The following GRIK4 variants were observed in gnomAD, a reference collection of about 807,000 sequenced individuals.
The protein encoded by GRIK4 is glutamate receptor ionotropic, kainate 4.
Under a neutral mutation model 104.9 loss-of-function variants are expected in GRIK4, and 40 were observed. The ratio of observed to expected loss-of-function variants is 0.38; its 90% CI spans 0.30 to 0.50. GRIK4 has a LOEUF of 0.50. Among genes scored for constraint, GRIK4 ranks in the 20% least tolerant of loss-of-function variants. The probability of loss-of-function intolerance (pLI) is 0.93; values close to 1 mark genes in which losing one functional copy is unlikely to be tolerated. For synonymous variants in GRIK4, 485 were observed against 524.9 expected, an observed-to-expected ratio of 0.92 and a Z score of 1.04; for missense variants, 1,047 against 1,308.1, an observed-to-expected ratio of 0.80 and a Z score of 3.08.
At chr11:120,784,524 T>G (rs1362206927) in intron 3 of GRIK4, among the ~76,000 whole-genome samples, 2 of 152,166 alleles carry the variant, frequency 1.3e-5, no homozygotes, top group East Asian at 1.9e-4. Flanking sequence ...CAGGGTCCTG[T>G]GTTGTAGACT....
intron 3 of GRIK4, among the ~76,000 whole-genome samples, chr11:120,801,726 T>C (rs1428808145): frequency 6.6e-6 from 1 of 152,220 alleles, no homozygotes; most frequent in Non-Finnish European, 1.5e-5. Flanking sequence ...TTGTGTGATC[T>C]TCATTTTTGT....
intron 9 of GRIK4, among the ~76,000 whole-genome samples, chr11:120,862,696 GC>G (rs1565399572): frequency 6.6e-6 from 1 of 152,020 alleles, no homozygotes; most frequent in Non-Finnish European, 1.5e-5. Flanking sequence ...TGCAGTTCTG[GC>G]CCCTTCCGGC....
chr11:120,839,602 C>G (rs1953665495), intron 8 of GRIK4, among the ~76,000 whole-genome samples: 1 of 152,198 alleles, frequency 6.6e-6, no homozygotes, highest in African/African-American at 2.4e-5. Flanking sequence ...CCCAGCCATG[C>G]ATGACCTGTG....
intron 3 of GRIK4, among the ~76,000 whole-genome samples, chr11:120,674,376 C>G (rs1446314402): frequency 6.6e-6 from 1 of 152,160 alleles, no homozygotes; most frequent in African/African-American, 2.4e-5. Flanking sequence ...TTAAAGAGAG[C>G]CAATCTAGAT....
chr11:120,833,385 A>C (rs1953489845), intron 7 of GRIK4, among the ~76,000 whole-genome samples: 1 of 152,004 alleles, frequency 6.6e-6, no homozygotes, highest in African/African-American at 2.4e-5. Context: ...TGATCAATGA[A>C]GTCATTAAGG....
At chr11:120,620,251 G>A (rs1324652311) in intron 1 of GRIK4, 7 of 752,026 alleles carry the variant, frequency 9.3e-6, no homozygotes, top group Non-Finnish European at 1.5e-5. Flanking sequence ...ACCCTAATAG[G>A]TTTTCTCCTC....
chr11:120,564,735 T>G (rs1040905388), intron 1 of GRIK4: 1 of 152,160 alleles, frequency 6.6e-6, no homozygotes, highest in Admixed American at 6.5e-5. Context: ...GGTAATTAGC[T>G]GGACCGCGGC....
At chr11:120,813,845 G>A (rs1002854632) in intron 4 of GRIK4, among the ~76,000 whole-genome samples, 3 of 152,178 alleles carry the variant, frequency 2.0e-5, no homozygotes, top group African/African-American at 7.2e-5. Context: ...AATACATATG[G>A]AGTTAAGCCT....
At chr11:120,647,760 C>T (rs759302252) in intron 1 of GRIK4, among the ~76,000 whole-genome samples, 1 of 152,252 alleles carries the variant, frequency 6.6e-6, no homozygotes, top group Non-Finnish European at 1.5e-5. Flanking sequence ...GCCACCCTGA[C>T]TTATGAAAGC....
chr11:120,794,696 C>T (rs530929937), intron 3 of GRIK4, among the ~76,000 whole-genome samples: 4 of 152,196 alleles, frequency 2.6e-5, no homozygotes, highest in Admixed American at 6.5e-5. Flanking sequence ...TTCCAGCCTC[C>T]AGAATTGTGA....
chr11:120,884,852 G>T (rs896533757), intron 11 of GRIK4, among the ~76,000 whole-genome samples: 1 of 152,268 alleles, frequency 6.6e-6, no homozygotes, highest in African/African-American at 2.4e-5. Flanking sequence ...GCAGAGCCGG[G>T]CCATGCTCAG....
At chr11:120,812,084 G>A (rs191624428) in intron 4 of GRIK4, among the ~76,000 whole-genome samples, 66 of 152,316 alleles carry the variant, frequency 4.3e-4, no homozygotes, top group Non-Finnish European at 8.1e-4. Flanking sequence ...CCCTTAGAAG[G>A]GCAGGTTATA....
At chr11:120,773,910 G>A (rs1365476896) in intron 3 of GRIK4, among the ~76,000 whole-genome samples, 1 of 152,186 alleles carries the variant, frequency 6.6e-6, no homozygotes, top group Non-Finnish European at 1.5e-5. Context: ...TCTGACAGAA[G>A]CAAAACAAAA....
In GRIK4 at chr11:120,555,986, G is replaced by T. The variant is rs189644481; in HGVS notation, c.-159+44099G>T. On this transcript the variant is annotated intron_variant, in intron 1 of 20. Transcript: ENST00000527524. The surrounding 1 kb of genome is among the most constrained non-coding windows in gnomAD (Gnocchi z 5.3). The stretch of plus-strand genomic sequence containing the variant: ...TTACATGTTAGACTGTCGGCTACTT[G>T]AAACCAGTTCTTCTCATGGAAATGC... Among the ~76,000 whole-genome samples, 3 of 152,306 alleles carry T rather than the reference G, an allele frequency of 2.0e-5. No homozygotes were observed. In the South Asian group the frequency reaches 6.2e-4, roughly 32 times the overall value.
intron 3 of GRIK4, among the ~76,000 whole-genome samples, chr11:120,706,286 A>G (rs1950627606): frequency 6.6e-6 from 1 of 152,156 alleles, no homozygotes; most frequent in Non-Finnish European, 1.5e-5. Context: ...TAGCTGCCCT[A>G]TGTAGAACAG....
At position 120,945,102 on chromosome 11, in the gene GRIK4, C is replaced by G. The variant is rs182725431; in HGVS notation, c.1590+4642C>G. ...AAGTTCAACTTTCCTGCATCCAGGTCTTTGCCTGCAAGCACCTTTGCCCCT... is the reference window on the plus strand; with the variant it reads ...AAGTTCAACTTTCCTGCATCCAGGTGTTTGCCTGCAAGCACCTTTGCCCCT... On this transcript the variant is annotated intron_variant, in intron 14 of 20. Coordinates refer to ENST00000527524, the MANE Select transcript of GRIK4 (RefSeq NM_014619.5). Among the ~76,000 whole-genome samples, 11 of 152,314 alleles carry G rather than the reference C, an allele frequency of 7.2e-5. No homozygotes were observed. The East Asian group carries it at 2.1e-3, about 29-fold the overall frequency.
At chr11:120,592,914 G>C (rs183294662) in intron 1 of GRIK4, among the ~76,000 whole-genome samples, 1 of 152,162 alleles carries the variant, frequency 6.6e-6, no homozygotes, top group Non-Finnish European at 1.5e-5. Context: ...TGGGTGTGGT[G>C]GTTCACACCT....
intron 3 of GRIK4, among the ~76,000 whole-genome samples, chr11:120,722,199 A>G (rs1332358459): frequency 6.6e-6 from 1 of 152,202 alleles, no homozygotes; most frequent in African/African-American, 2.4e-5. Flanking sequence ...TAGCAACTTT[A>G]ATTAAAATTA....
At chr11:120,746,134 T>G (rs1444569628) in intron 3 of GRIK4, among the ~76,000 whole-genome samples, 1 of 152,224 alleles carries the variant, frequency 6.6e-6, no homozygotes, top group Non-Finnish European at 1.5e-5. Context: ...GCTTCATAAA[T>G]GTCAGTGTCT....
Sources: allele counts gnomAD v4.1 joint callset (sites outside exome capture counted in the v4.1 genomes callset), GRCh38; gene constraint gnomAD v4.1.1; non-coding constraint Gnocchi (gnomAD v3.1); transcripts MANE v1.5; gene names NCBI Gene and HGNC (gene_info 2026-07-23, HGNC 2026-07-21).